Variants in FRS2 observed in about 807,000 individuals in gnomAD.
The protein encoded by FRS2 is fibroblast growth factor receptor substrate 2.
A neutral mutation model predicts 43.9 loss-of-function variants in FRS2; 8 were observed. The ratio of observed to expected loss-of-function variants is 0.18; its 90% CI spans 0.11 to 0.33. The LOEUF is 0.33. Ranked by LOEUF, FRS2 falls within the 10% of genes least tolerant of loss-of-function variation. The pLI, the probability that FRS2 is intolerant of heterozygous loss-of-function variation, is 1.00. For missense variants in FRS2, 534 were observed against 627.6 expected (o/e 0.85, Z 1.59); for synonymous variants, 219 against 220.3 (o/e 0.99, Z 0.05).
intron 8 of FRS2, 52 bp from the exon 9 acceptor site, chr12:69,573,953 C>A: frequency 8.1e-7 from 1 of 1,230,702 alleles, no homozygotes; most frequent in Non-Finnish European, 1.1e-6. Flanking sequence ...GGCTTTTTTT[C>A]AGTTTTGTTT....
intron 1 of FRS2, among the ~76,000 whole-genome samples, chr12:69,526,636 A>G (rs1876258224): frequency 6.6e-6 from 1 of 152,234 alleles, no homozygotes; most frequent in Admixed American, 6.5e-5. Context: ...AATTCTAAAA[A>G]TTACTTTAAA....
At chr12:69,524,312 C>T (rs977084596) in intron 1 of FRS2, among the ~76,000 whole-genome samples, 1 of 152,016 alleles carries the variant, frequency 6.6e-6, no homozygotes, top group Non-Finnish European at 1.5e-5. Context: ...AGACAAGATT[C>T]CTGCTGGCAC....
At chr12:69,503,006 T>C (rs750914116) in intron 1 of FRS2, among the ~76,000 whole-genome samples, 2 of 152,210 alleles carry the variant, frequency 1.3e-5, no homozygotes. Flanking sequence ...AAAATCTGGA[T>C]ACATGTGGCT....
chr12:69,520,319 C>T (rs1875501069), intron 1 of FRS2, among the ~76,000 whole-genome samples: 3 of 149,592 alleles, frequency 2.0e-5, no homozygotes, highest in Admixed American at 2.0e-4. Context: ...TTGTCAGATG[C>T]ATAGTTTGCA....
intron 3 of FRS2, among the ~76,000 whole-genome samples, chr12:69,547,764 T>C (rs1484263973): frequency 6.6e-6 from 1 of 151,962 alleles, no homozygotes; most frequent in South Asian, 2.1e-4. Context: ...CTTTGACATA[T>C]GTTTGTTTTA....
At chr12:69,518,146 G>A (rs1168900269) in intron 1 of FRS2, among the ~76,000 whole-genome samples, 1 of 152,188 alleles carries the variant, frequency 6.6e-6, no homozygotes, top group East Asian at 1.9e-4. Context: ...CTTGTCTTGA[G>A]TGCTTTGAGA....
rs540482928 is a variant in FRS2 at position 69,482,339 on chromosome 12, A to G, written c.-261+11809A>G. Among the ~76,000 whole-genome samples the G allele has an allele frequency of 7.2e-5, 11 of 152,356 alleles. No individual in the cohort carries two copies. The South Asian group carries it at 1.2e-3, about 17-fold the overall frequency. On this transcript the variant is annotated intron_variant, in intron 1 of 8. Coordinates refer to ENST00000549921, the MANE Select transcript of FRS2 (RefSeq NM_001278356.2). ...AGAGGAGGTGACTTAAGGTTTTCCT[A>G]AGGTAAACTTTTACATTGATATTAC...
chr12:69,570,306 C>T (rs765063732), intron 5 of FRS2, 25 bp from the exon 6 acceptor site: 1 of 1,569,906 alleles, frequency 6.4e-7, no homozygotes, highest in South Asian at 1.1e-5. Flanking sequence ...GACATATTTG[C>T]ATGACTGTCA....
chr12:69,520,848 A>G lies in FRS2; in HGVS notation c.-260-10017A>G, dbSNP rs60970052. 0.035 allele frequency among the ~76,000 whole-genome samples: 5,366 copies of G among 152,208 alleles called. 445 individuals are homozygous for G. In the East Asian group the frequency reaches 0.38, roughly 11 times the overall value. ...GTGATGTAATTTGAAGTCAGGTAGC[A>G]TGATGGCTCCTGCTTTGTTCTTTTT... On this transcript the variant is annotated intron_variant, in intron 1 of 8. Coordinates refer to ENST00000549921, the MANE Select transcript of FRS2 (RefSeq NM_001278356.2).
intron 1 of FRS2, among the ~76,000 whole-genome samples, chr12:69,479,390 C>CTTTTTTTTTTTTTTTTTTTTTT (rs57688271): frequency 2.5e-5 from 3 of 119,698 alleles, no homozygotes; most frequent in Non-Finnish European, 5.1e-5. Flanking sequence ...TCTGTTGTTT[C>CTTTTTTTTTTTTTTTTTTTTTT]TTTTTTTTTT....
intron 1 of FRS2, among the ~76,000 whole-genome samples, chr12:69,484,178 G>A (rs933500183): frequency 4.0e-5 from 6 of 151,368 alleles, no homozygotes; most frequent in South Asian, 2.1e-4. Context: ...TCCGCCTCCC[G>A]GGTTCACGCC....
intron 1 of FRS2, among the ~76,000 whole-genome samples, chr12:69,511,154 T>C (rs1169836869): frequency 6.6e-6 from 1 of 152,204 alleles, no homozygotes; most frequent in Admixed American, 6.5e-5. Context: ...TCAGTAAATT[T>C]GATATTTGGC....
chr12:69,523,482 A>T (rs142956032), intron 1 of FRS2, among the ~76,000 whole-genome samples: 1 of 152,110 alleles, frequency 6.6e-6, no homozygotes, highest in Admixed American at 6.5e-5. Context: ...TGCATGTGAG[A>T]TGGGTCTCTT....
intron 1 of FRS2, among the ~76,000 whole-genome samples, chr12:69,481,452 T>A (rs1053841681): frequency 7.2e-5 from 11 of 151,908 alleles, no homozygotes; most frequent in African/African-American, 1.9e-4. Flanking sequence ...TTTTTTTTTT[T>A]AAGATTTTTG....
intron 4 of FRS2, among the ~76,000 whole-genome samples, chr12:69,567,446 TTC>T (rs1399729877): frequency 2.0e-5 from 3 of 152,196 alleles, no homozygotes; most frequent in Non-Finnish European, 4.4e-5. Flanking sequence ...CTATAGCACC[TTC>T]TGTATGCTAG....
chr12:69,543,317 A>T (rs1339950729), intron 3 of FRS2, among the ~76,000 whole-genome samples: 1 of 152,238 alleles, frequency 6.6e-6, no homozygotes, highest in African/African-American at 2.4e-5. Context: ...AAATTCAGGA[A>T]CAAATTTTAT....
At chr12:69,483,911 A>G (rs1260823552) in intron 1 of FRS2, among the ~76,000 whole-genome samples, 2 of 152,282 alleles carry the variant, frequency 1.3e-5, no homozygotes, top group Admixed American at 6.5e-5. Context: ...TAGATTGGGT[A>G]TTAGTGCTGT....
At chr12:69,541,824 CAAAAAAAAA>C (rs10605112) in intron 3 of FRS2, among the ~76,000 whole-genome samples, 6 of 90,852 alleles carry the variant, frequency 6.6e-5, no homozygotes, top group Non-Finnish European at 1.3e-4. Context: ...GACCCTGTCT[CAAAAAAAAA>C]AAAAAAAAAA....
rs890602414 is a variant in FRS2 at position 69,579,060 on chromosome 12, G to A, written c.*4105G>A. ...CCACTGTTAATTAAAATAAAACCTT[G>A]TTGTATATGTAACAACATAATTTTC... On this transcript the variant is annotated 3_prime_UTR_variant, in exon 9 of 9. Transcript: ENST00000549921. 6.6e-6 allele frequency: 1 copy of A among 152,550 alleles called. No homozygotes were observed. Among genetic ancestry groups the A allele is most frequent in the African/African-American group, 2.4e-5 (1 of 41,430 alleles). The allele number at this position is 152,550 out of a possible 1,614,324, so 9.4% of individuals were successfully genotyped here.
Sources: gnomAD v4.1 joint callset for allele counts (sites outside exome capture counted in the v4.1 genomes callset) on GRCh38, gnomAD v4.1.1 for gene constraint, MANE v1.5 for transcripts, NCBI Gene and HGNC (gene_info 2026-07-23, HGNC 2026-07-21) for gene names.